Variants in SSC5D observed in about 807,000 individuals in gnomAD.
SSC5D encodes soluble scavenger receptor cysteine-rich domain-containing protein SSC5D.
SSC5D carries 106 observed loss-of-function variants against 104.6 expected under a neutral mutation model. The observed-to-expected ratio is 1.01, with a 90% CI of 0.87 to 1.19. The LOEUF (loss-of-function observed/expected upper bound fraction) is 1.19, where lower values mean the gene tolerates loss of function less well. Ranked by LOEUF, SSC5D falls within the 50% of genes most tolerant of loss-of-function variation. The probability of loss-of-function intolerance (pLI) is 0.00; values close to 1 mark genes in which losing one functional copy is unlikely to be tolerated. For missense variants in SSC5D, 1,993 were observed against 2,153.8 expected, an observed-to-expected ratio of 0.93 and a Z score of 1.48; for synonymous variants, 860 against 883.5, an observed-to-expected ratio of 0.97 and a Z score of 0.47.
chr19:55,500,837 C>CG lies in SSC5D; in HGVS notation c.2617+38dup, dbSNP rs1249249679. 5.9e-5 allele frequency: 78 copies of CG among 1,311,872 alleles called. No homozygotes were observed. The highest frequency in any genetic ancestry group is 7.6e-5 in the Non-Finnish European group (76 of 1,002,410). The allele number at this position is 1,311,872 out of a possible 1,614,324, so 81.3% of individuals were successfully genotyped here. On this transcript the variant is annotated intron_variant, in intron 11 of 13. Transcript: ENST00000389623. This position sits in a 1 kb window ranked among gnomAD's most constrained non-coding sequence, Gnocchi z 4.6. ...GGCATGGCGGCGGTGGTGGGGTTGT[C>CG]GGGGGTGGCCAGGAGAATGGAGTCA...
At chr19:55,490,438 A>AAGCAACCC (rs2123427960) in intron 5 of SSC5D, 30 bp downstream of exon 5, 2 of 729,972 alleles carry the variant, frequency 2.7e-6, no homozygotes, top group Non-Finnish European at 4.6e-6. Context: ...CCCCGACCCC[A>AAGCAACCC]AGGCTGGTTG....
In SSC5D at chr19:55,492,984, T is replaced by C. The variant is rs144338292; in HGVS notation, c.896-611T>C. On this transcript the variant is annotated intron_variant, in intron 6 of 13. Transcript: ENST00000389623. ...GGTCGAGACTGCAGTGAGCCAAGAT[T>C]GCACCATTGCACTCCAGCCTGGGTG... is the stretch of plus-strand genomic sequence containing the variant. 335 of 152,288 alleles carry C rather than the reference T, an allele frequency of 2.2e-3. 1 individual carries two copies. Among genetic ancestry groups the C allele is most frequent in the Non-Finnish European group, 3.8e-3 (259 of 68,126 alleles). The allele number at this position is 152,288 out of a possible 1,614,324, so 9.4% of individuals were successfully genotyped here.
At chr19:55,507,320 G>A (rs1987656187) in intron 12 of SSC5D, among the ~76,000 whole-genome samples, 1 of 136,616 alleles carries the variant, frequency 7.3e-6, no homozygotes, top group Admixed American at 8.1e-5. Flanking sequence ...CTGCAGCCTG[G>A]ATGAGTGAGA....
chr19:55,502,349 C>T (rs1599922572), intron 12 of SSC5D, among the ~76,000 whole-genome samples: 2 of 152,220 alleles, frequency 1.3e-5, no homozygotes, highest in Middle Eastern at 6.8e-3. Context: ...CTCTCACCAT[C>T]TTTCTCATTT....
chr19:55,507,265 G>A (rs1987655357), intron 12 of SSC5D, among the ~76,000 whole-genome samples: 2 of 147,282 alleles, frequency 1.4e-5, no homozygotes. Flanking sequence ...AATCACTTGG[G>A]CCCTGGAGGT....
chr19:55,502,721 T>A (rs1987537991), intron 12 of SSC5D, among the ~76,000 whole-genome samples: 1 of 152,118 alleles, frequency 6.6e-6, no homozygotes, highest in Non-Finnish European at 1.5e-5. Context: ...AGTGGTGCGA[T>A]CTCAGTTCAC....
At chr19:55,517,166 C>T in intron 13 of SSC5D, 58 bp from the exon 14 acceptor site, 1 of 1,433,260 alleles carries the variant, frequency 7.0e-7, no homozygotes, top group Non-Finnish European at 9.3e-7. Context: ...GGGCGGGACG[C>T]GTGGTGGGCG....
chr19:55,494,773 A>T lies in SSC5D; in HGVS notation c.1377A>T (p.Gly459=), dbSNP rs753632120. 1.3e-6 allele frequency: 2 copies of T among 1,542,214 alleles called. No individual in the cohort carries two copies. Among genetic ancestry groups the T allele is most frequent in the East Asian group, 5.0e-5 (2 of 40,356 alleles). ...PASPTVLWEP[G]PEAGSPQLRL... The stretch of plus-strand genomic sequence containing the variant: ...CCCCTACTGTCCTTTGGGAGCCTGG[A>T]CCGGAAGCCGGTGAGTCCCTCCATG... The change falls in exon 8 of 14, where the codon GGA becomes GGT. Residue 459 remains glycine (G), a synonymous_variant. Coordinates refer to ENST00000389623, the MANE Select transcript of SSC5D (RefSeq NM_001144950.2).
At chr19:55,493,992 G>GGGGGGGGGGGGGGT in intron 7 of SSC5D, 80 bp downstream of exon 7, 1 of 284,106 alleles carries the variant, frequency 3.5e-6, no homozygotes, top group South Asian at 2.6e-5. Flanking sequence ...GGGGGCGGGG[G>GGGGGGGGGGGGGGT]GGTCCCTACG....
rs756713423 is a variant in SSC5D, at chr19:55,489,644, G to A, written c.343G>A (p.Ala115Thr). Residue 115 changes from alanine to threonine, a missense_variant, in exon 3 of 14, where the codon GCG becomes ACG. Physicochemically the swap from Ala to Thr is moderately conservative, Grantham distance 58. Around this residue, in one of 6 missense-constraint regions of SSC5D, gnomAD observed 1,101 missense variants for 1,085.0 expected, o/e 1.01. Coordinates refer to ENST00000389623, the MANE Select transcript of SSC5D (RefSeq NM_001144950.2). ...KAHICSHEED[A>T]GVVCAGQRVA... Reference sequence around the variant, plus strand: ...CCACATCTGCTCCCACGAGGAGGACGCGGGCGTCGTCTGCGCAGGTGAGGA... The same window carrying A: ...CCACATCTGCTCCCACGAGGAGGACACGGGCGTCGTCTGCGCAGGTGAGGA... The A allele has an allele frequency of 2.0e-5, 30 of 1,533,122 alleles. No homozygotes were observed. The highest frequency in any genetic ancestry group is 2.4e-5 in the South Asian group (2 of 83,738). The allele number at this position is 1,533,122 out of a possible 1,614,324, so 95.0% of individuals were successfully genotyped here. A position where few individuals can be genotyped will look rare whatever the true frequency, so the allele number is the denominator to read the frequency against.
chr19:55,492,337 A>G (rs572084478), intron 6 of SSC5D: 1 of 152,212 alleles, frequency 6.6e-6, no homozygotes, highest in East Asian at 1.9e-4. Flanking sequence ...GCAGCAGAGA[A>G]GGCTTGTATG....
In SSC5D at chr19:55,518,355, C is replaced by T. The variant is rs1456642439; in HGVS notation, c.4079C>T (p.Pro1360Leu). 1 of 1,550,806 alleles carries T rather than the reference C, an allele frequency of 6.4e-7. No individual in the cohort carries two copies. Among genetic ancestry groups the T allele is most frequent in the African/African-American group, 1.4e-5 (1 of 72,740 alleles). ...SSPTLAPTVKPSLHPQLTFTA... is the reference protein window; with the variant it reads ...SSPTLAPTVKLSLHPQLTFTA... ...CCCACTCTAGCACCAACAGTCAAGC[C>T]CAGTCTGCACCCCCAGTTGACCTTC... Residue 1360 changes from proline to leucine, a missense_variant, in exon 14 of 14, where the codon CCC becomes CTC. Physicochemically the swap from Pro to Leu is moderately conservative, Grantham distance 98 (BLOSUM62 -3). Around this residue, in one of 6 missense-constraint regions of SSC5D, gnomAD observed 349 missense variants for 397.6 expected, o/e 0.88. Coordinates refer to ENST00000389623, the MANE Select transcript of SSC5D (RefSeq NM_001144950.2).
chr19:55,498,195 C>G lies in SSC5D; in HGVS notation c.1703C>G (p.Thr568Ser). The change falls in exon 9 of 14, where the codon ACT (threonine) becomes AGT (serine). Residue 568 changes from threonine to serine, a missense_variant and splice_region_variant. Coordinates refer to ENST00000389623, the MANE Select transcript of SSC5D (RefSeq NM_001144950.2). Reference protein sequence around the residue: ...AHNEDVGVTCTGPPGLDSISD... With the variant: ...AHNEDVGVTCSGPPGLDSISD... ...AATGAGGATGTTGGGGTCACCTGCA[C>G]TGGTAAGGAGGCCCTAGCTATCTGT... The G allele has an allele frequency of 6.4e-7, 1 of 1,551,720 alleles. No individual in the cohort carries two copies. The highest frequency in any genetic ancestry group is 8.7e-7 in the Non-Finnish European group (1 of 1,146,982).
At chr19:55,497,455 C>T (rs1987353927) in intron 8 of SSC5D, among the ~76,000 whole-genome samples, 1 of 152,136 alleles carries the variant, frequency 6.6e-6, no homozygotes, top group Non-Finnish European at 1.5e-5. Context: ...TAAAGTTAAC[C>T]AGTTTAAGTA....
chr19:55,495,233 A>ATATATATATT (rs1555765051), intron 8 of SSC5D, among the ~76,000 whole-genome samples: 13 of 50,660 alleles, frequency 2.6e-4, no homozygotes, highest in African/African-American at 9.8e-4. Context: ...ATATATATAT[A>ATATATATATT]TTTTTTTTTT....
chr19:55,491,131 C>G, intron 6 of SSC5D, 51 bp downstream of exon 6: 1 of 1,499,440 alleles, frequency 6.7e-7, no homozygotes, highest in Non-Finnish European at 8.9e-7. Flanking sequence ...GACCCCAGCT[C>G]CCTCTTGCCC....
At position 55,500,388 on chromosome 19, in the gene SSC5D, A is replaced by G. The variant is rs1987454375; in HGVS notation, c.2278A>G (p.Ser760Gly). 2 of 1,551,122 alleles carry G rather than the reference A, an allele frequency of 1.3e-6. No homozygotes were observed. The highest frequency in any genetic ancestry group is 8.7e-7 in the Non-Finnish European group (1 of 1,146,782). The change falls in exon 10 of 14, where the codon AGT becomes GGT. Residue 760 changes from serine (S) to glycine (G), a missense_variant. Transcript: ENST00000389623. The surrounding 1 kb of genome is among the most constrained non-coding windows in gnomAD (Gnocchi z 4.6). The part of the protein sequence containing the change: ...ESPKDPAPSP[S>G]VSTTGESGLF... ...ACCCAAAGACCCGGCCCCCTCTCCC[A>G]GTGTTAGCACCACTGGGGAATCAGG...
intron 9 of SSC5D, 33 bp downstream of exon 9, chr19:55,498,230 G>T: frequency 1.9e-6 from 3 of 1,548,812 alleles, no homozygotes; most frequent in Non-Finnish European, 2.6e-6. Context: ...TTGACTCCAG[G>T]AGGGCTTCCT....
Position 55,490,806 on chromosome 19 carries a change from C to T in SSC5D, c.621C>T (p.Cys207=), listed in dbSNP as rs568851191. The T allele has an allele frequency of 8.5e-5, 131 of 1,544,734 alleles. No individual in the cohort carries two copies. In the East Asian group the frequency reaches 2.3e-3, roughly 27 times the overall value. Residue 207 remains cysteine (C), a synonymous_variant, in exon 6 of 14, where the codon TGC becomes TGT. Transcript: ENST00000389623. ...RLRLVSGPHR[C]AGRLEVWHGG... ...GCCTGGTCTCTGGCCCCCACAGGTG[C>T]GCCGGACGCCTGGAGGTCTGGCACG...
Sources: gnomAD v4.1 joint callset for allele counts (sites outside exome capture counted in the v4.1 genomes callset) on GRCh38, gnomAD v4.1.1 for gene constraint, gnomAD v4.1.1 regional missense constraint, Gnocchi (gnomAD v3.1) non-coding constraint, MANE v1.5 for transcripts, NCBI Gene and HGNC (gene_info 2026-07-23, HGNC 2026-07-21) for gene names.